The following MMS22L variants were observed in gnomAD, a reference collection of about 807,000 sequenced individuals.
The protein encoded by MMS22L is protein MMS22-like.
In MMS22L, 74 loss-of-function variants were observed where a neutral mutation model predicts 159.1. The observed-to-expected ratio is 0.47, with a 90% confidence interval of 0.39 to 0.56. The LOEUF is 0.56. Ranked by LOEUF, MMS22L falls within the 20% of genes least tolerant of loss-of-function variation. The pLI, the probability that MMS22L is intolerant of heterozygous loss-of-function variation, is 0.00. For missense variants in MMS22L, 1,351 were observed against 1,422.1 expected (o/e 0.95, Z 0.80); for synonymous variants, 517 against 506.9 (o/e 1.02, Z -0.27).
At chr6:97,149,808 T>G (rs1264877449) in intron 24 of MMS22L, 45 bp downstream of exon 24, 1 of 1,484,358 alleles carries the variant, frequency 6.7e-7, no homozygotes. Context: ...AATATAAATT[T>G]TATAATCACT....
At chr6:97,176,509 G>C (rs1044177654) in intron 18 of MMS22L, among the ~76,000 whole-genome samples, 10 of 152,032 alleles carry the variant, frequency 6.6e-5, no homozygotes, top group Non-Finnish European at 1.3e-4. Flanking sequence ...TGGTATTTGG[G>C]GTCTTAGATT....
chr6:97,196,576 C>G (rs1806538675), intron 14 of MMS22L, among the ~76,000 whole-genome samples: 1 of 151,932 alleles, frequency 6.6e-6, no homozygotes, highest in Non-Finnish European at 1.5e-5. Flanking sequence ...AAAGTTAGAG[C>G]CAAAAGTAAA....
At chr6:97,276,154 A>G (rs1025683383) in intron 4 of MMS22L, among the ~76,000 whole-genome samples, 2 of 152,246 alleles carry the variant, frequency 1.3e-5, no homozygotes, top group African/African-American at 4.8e-5. Context: ...AAGTAACTAC[A>G]TAGGGACTTC....
At chr6:97,266,360 C>T (rs1304945853) in intron 8 of MMS22L, 3 of 152,196 alleles carry the variant, frequency 2.0e-5, no homozygotes, top group Non-Finnish European at 4.4e-5. Context: ...GAGATATCTG[C>T]ATTCCCATGT....
intron 9 of MMS22L, among the ~76,000 whole-genome samples, chr6:97,257,469 G>A (rs187277558): frequency 6.6e-6 from 1 of 151,680 alleles, no homozygotes; most frequent in African/African-American, 2.4e-5. Context: ...CTTTTTTTGT[G>A]GGGGGAGAGG....
intron 14 of MMS22L, among the ~76,000 whole-genome samples, chr6:97,222,920 C>A (rs1403639875): frequency 2.6e-5 from 4 of 152,034 alleles, no homozygotes; most frequent in African/African-American, 4.8e-5. Context: ...TTTATATTAA[C>A]CTCAAATAAC....
At chr6:97,265,621 T>C (rs1815014998) in intron 8 of MMS22L, 1 of 152,102 alleles carries the variant, frequency 6.6e-6, no homozygotes, top group Non-Finnish European at 1.5e-5. Flanking sequence ...GATAAGGGGT[T>C]AGTATTTTAA....
chr6:97,231,691 G>A, intron 12 of MMS22L, 39 bp from the exon 13 acceptor site: 1 of 1,414,248 alleles, frequency 7.1e-7, no homozygotes, highest in Non-Finnish European at 9.9e-7. Flanking sequence ...ACAATTATTA[G>A]TCTCTTAGTA....
chr6:97,220,606 C>T (rs1016667590), intron 14 of MMS22L, among the ~76,000 whole-genome samples: 4 of 151,998 alleles, frequency 2.6e-5, no homozygotes, highest in Non-Finnish European at 5.9e-5. Flanking sequence ...GAGGTAATGA[C>T]ATCTGTGAGA....
chr6:97,221,241 T>C (rs1809610794), intron 14 of MMS22L, among the ~76,000 whole-genome samples: 1 of 152,128 alleles, frequency 6.6e-6, no homozygotes, highest in Non-Finnish European at 1.5e-5. Flanking sequence ...ACATAAGTTT[T>C]TCCTCACATT....
chr6:97,146,051 T>C lies in MMS22L; in HGVS notation c.*755A>G, dbSNP rs1800913648. 1 of 152,076 alleles carries C rather than the reference T, an allele frequency of 6.6e-6. No individual in the cohort carries two copies. Among genetic ancestry groups the C allele is most frequent in the Admixed American group, 6.6e-5 (1 of 15,262 alleles). The allele number at this position is 152,076 out of a possible 1,614,324, so 9.4% of individuals were successfully genotyped here. On this transcript the variant is annotated 3_prime_UTR_variant, in exon 25 of 25. Transcript: ENST00000683635. ...TTGTTACTTTTCTAGAATATTTTTATTTACTCTCCTCTTAAAGTCTCCTTT... is the reference window on the plus strand; with the variant it reads ...TTGTTACTTTTCTAGAATATTTTTACTTACTCTCCTCTTAAAGTCTCCTTT...
At chr6:97,171,078 T>C (rs938354203) in intron 19 of MMS22L, among the ~76,000 whole-genome samples, 1 of 152,114 alleles carries the variant, frequency 6.6e-6, no homozygotes, top group African/African-American at 2.4e-5. Flanking sequence ...AATAAAGTCA[T>C]TAAATTCCAT....
Position 97,231,472 on chromosome 6 carries a change from CTTT to C in MMS22L, c.1480_1482del (p.Lys494del), listed in dbSNP as rs1422594283. 1.9e-6 allele frequency: 3 copies of C among 1,613,524 alleles called. No homozygotes were observed. In the African/African-American group the frequency reaches 4.0e-5, roughly 22 times the overall value. ...GGATGAGGGCCATTGCTCTTCATTG[CTTT>C]TTTAACAACTTTTGCCAGAATACAA... On this transcript the variant is annotated inframe_deletion, in exon 13 of 25. Transcript: ENST00000683635.
intron 14 of MMS22L, among the ~76,000 whole-genome samples, chr6:97,194,269 G>A (rs113999159): frequency 1.3e-5 from 2 of 151,496 alleles, no homozygotes; most frequent in South Asian, 2.1e-4. Context: ...TGTTGGCCAC[G>A]ATGGTCTTGA....
At chr6:97,219,739 G>A (rs1385497282) in intron 14 of MMS22L, among the ~76,000 whole-genome samples, 1 of 152,160 alleles carries the variant, frequency 6.6e-6, no homozygotes, top group Non-Finnish European at 1.5e-5. Flanking sequence ...TTTGACAGCA[G>A]CAACTATCAG....
chr6:97,283,506 C>A (rs1816961051), upstream of MMS22L: 1 of 152,294 alleles, frequency 6.6e-6, no homozygotes, highest in South Asian at 2.1e-4. Flanking sequence ...AAGTGAGTGC[C>A]TCGTTCACAC....
intron 6 of MMS22L, 42 bp downstream of exon 6, chr6:97,272,662 G>C: frequency 6.5e-7 from 1 of 1,541,846 alleles, no homozygotes. Flanking sequence ...CTTGTGGGGA[G>C]AAAAAGCTGA....
In MMS22L at chr6:97,146,682, GA is replaced by G. The variant is rs909099635; in HGVS notation, c.*123del. On this transcript the variant is annotated 3_prime_UTR_variant, in exon 25 of 25. Coordinates refer to ENST00000683635, the MANE Select transcript of MMS22L (RefSeq NM_001350599.2). ...CATTTTTTACTTACAGATATAAAAG[GA>G]AAAAAAATCCTAGAAATTATTTTAA... 27 of 604,008 alleles carry G rather than the reference GA, an allele frequency of 4.5e-5. No individual in the cohort carries two copies. The highest frequency in any genetic ancestry group is 5.2e-5 in the Non-Finnish European group (20 of 382,444). 37.4% of individuals were successfully genotyped at this position (604,008 alleles called of 1,614,324 possible).
intron 8 of MMS22L, 64 bp downstream of exon 8, chr6:97,267,808 C>T (rs919158915): frequency 3.5e-5 from 47 of 1,339,442 alleles, no homozygotes; most frequent in South Asian, 1.3e-4. Context: ...ACAGATTAAA[C>T]GACATGCATT....
Sources: allele counts gnomAD v4.1 joint callset (sites outside exome capture counted in the v4.1 genomes callset), GRCh38; gene constraint gnomAD v4.1.1; transcripts MANE v1.5; gene names NCBI Gene and HGNC (gene_info 2026-07-23, HGNC 2026-07-21).